CDH23: variants seen among roughly 807,000 people sequenced by gnomAD.
The protein encoded by CDH23 is cadherin related 23.
Under a neutral mutation model 317.1 loss-of-function variants are expected in CDH23, and 189 were observed. That is an observed-to-expected ratio of 0.60 (90% CI 0.53 to 0.67). CDH23 has a LOEUF of 0.67. CDH23 is among the 30% of genes least tolerant of loss of function. The pLI is 0.00. For synonymous variants in CDH23, 1,839 were observed against 1,876.8 expected, an observed-to-expected ratio of 0.98 and a Z score of 0.52; for missense variants, 4,401 against 4,592.4, an observed-to-expected ratio of 0.96 and a Z score of 1.20.
chr10:71,658,605 G>A (rs1863516982), intron 14 of CDH23, among the ~76,000 whole-genome samples: 1 of 152,186 alleles, frequency 6.6e-6, no homozygotes, highest in Non-Finnish European at 1.5e-5. Flanking sequence ...GTTCATCCCA[G>A]GCCTGGTGAA....
At chr10:71,754,601 G>C (rs1840086252) in intron 38 of CDH23, among the ~76,000 whole-genome samples, 2 of 152,154 alleles carry the variant, frequency 1.3e-5, no homozygotes, top group South Asian at 4.1e-4. Context: ...GGTGAAAGAT[G>C]TTTGTGCCCA....
intron 9 of CDH23, among the ~76,000 whole-genome samples, chr10:71,614,703 A>C (rs958414684): frequency 2.6e-5 from 4 of 152,226 alleles, no homozygotes; most frequent in Non-Finnish European, 5.9e-5. Flanking sequence ...AGAGGCTGGC[A>C]CTGAGCTGGG....
chr10:71,604,921 G>A (rs557749053), intron 9 of CDH23, among the ~76,000 whole-genome samples: 9 of 152,340 alleles, frequency 5.9e-5, no homozygotes, highest in East Asian at 1.9e-4. Context: ...AGACCAGGGC[G>A]GGAAAGGCCC....
intron 38 of CDH23, among the ~76,000 whole-genome samples, chr10:71,765,494 G>C (rs1840514936): frequency 6.6e-6 from 1 of 152,192 alleles, no homozygotes; most frequent in South Asian, 2.1e-4. Context: ...GTTGGCCTGA[G>C]TGTCCCTGTG....
intron 19 of CDH23, among the ~76,000 whole-genome samples, chr10:71,689,038 G>A (rs373351542): frequency 6.2e-4 from 41 of 66,448 alleles, no homozygotes; most frequent in East Asian, 1.0e-3. Context: ...GGAGTCAGGG[G>A]TGGTGGAGCC....
At chr10:71,509,378 C>T (rs1853824228) in intron 3 of CDH23, among the ~76,000 whole-genome samples, 1 of 152,252 alleles carries the variant, frequency 6.6e-6, no homozygotes, top group Admixed American at 6.5e-5. Context: ...GCTCATATAG[C>T]TGAGAAGTCC....
At chr10:71,603,539 A>T (rs1860351781) in intron 9 of CDH23, among the ~76,000 whole-genome samples, 1 of 152,212 alleles carries the variant, frequency 6.6e-6, no homozygotes, top group Admixed American at 6.5e-5. Context: ...GAGAGACCCC[A>T]GTTGAAGGGA....
intron 3 of CDH23, among the ~76,000 whole-genome samples, chr10:71,458,355 C>T (rs971084835): frequency 6.6e-6 from 1 of 152,228 alleles, no homozygotes; most frequent in African/African-American, 2.4e-5. Flanking sequence ...GAGCACAGTG[C>T]ATGGAGTGGG....
chr10:71,583,950 G>C (rs1156603370), intron 9 of CDH23, among the ~76,000 whole-genome samples: 2 of 147,506 alleles, frequency 1.4e-5, no homozygotes, highest in Non-Finnish European at 3.0e-5. Context: ...CTCAAAGTGT[G>C]CTCCCCAGAG....
intron 61 of CDH23, 26 bp downstream of exon 61, chr10:71,810,102 G>T: frequency 1.2e-6 from 2 of 1,607,442 alleles, no homozygotes; most frequent in African/African-American, 1.3e-5. Flanking sequence ...ACCCGGGGCC[G>T]GGGCAGTGGA....
rs775558013 is a variant in CDH23, at chr10:71,751,676, G to A, written c.4845+9755G>A. ...GGTCAGGAAACACTTACCCAGGGAT[G>A]GGAAGAAGACGTCTCCGGGGCCTGG... On this transcript the variant is annotated intron_variant, in intron 38 of 69. Transcript: ENST00000224721. The surrounding 1 kb of genome is among the most constrained non-coding windows in gnomAD (Gnocchi z 4.9). 3.3e-6 allele frequency: 5 copies of A among 1,531,504 alleles called. No individual in the cohort carries two copies. The Admixed American group carries it at 1.1e-4, about 33-fold the overall frequency. The allele number at this position is 1,531,504 out of a possible 1,614,324, so 94.9% of individuals were successfully genotyped here. A position where few individuals can be genotyped will look rare whatever the true frequency, so the allele number is the denominator to read the frequency against.
chr10:71,494,698 A>G (rs1852860259), intron 3 of CDH23, among the ~76,000 whole-genome samples: 1 of 152,234 alleles, frequency 6.6e-6, no homozygotes, highest in Admixed American at 6.5e-5. Context: ...AGACATTCTC[A>G]GACTTGTGCA....
intron 58 of CDH23, 41 bp from the exon 59 acceptor site, chr10:71,807,475 T>C: frequency 6.2e-7 from 1 of 1,612,656 alleles, no homozygotes; most frequent in Non-Finnish European, 8.5e-7. Flanking sequence ...GCCCTGCTCC[T>C]GGCCCTGCCC....
intron 6 of CDH23, among the ~76,000 whole-genome samples, chr10:71,536,431 G>A (rs1218638374): frequency 6.6e-6 from 1 of 152,236 alleles, no homozygotes; most frequent in African/African-American, 2.4e-5. Context: ...AATAGACTGT[G>A]AGGGCTTTGA....
At chr10:71,644,027 T>C (rs578016136) in intron 12 of CDH23, among the ~76,000 whole-genome samples, 161 bp downstream of exon 12, 6 of 151,964 alleles carry the variant, frequency 3.9e-5, no homozygotes, top group Admixed American at 2.6e-4. Context: ...AGGAGAGGAG[T>C]TGGTGTCACC....
At chr10:71,549,870 C>G (rs1023039636) in intron 6 of CDH23, among the ~76,000 whole-genome samples, 4 of 152,118 alleles carry the variant, frequency 2.6e-5, no homozygotes, top group African/African-American at 7.2e-5. Context: ...GCTTGTGGGG[C>G]GGGGTCGGGG....
chr10:71,649,357 T>C (rs1863053863), intron 14 of CDH23, among the ~76,000 whole-genome samples: 1 of 152,106 alleles, frequency 6.6e-6, no homozygotes, highest in African/African-American at 2.4e-5. Context: ...AGGAAAAAAA[T>C]TATGAAGAAA....
rs544331303 is a variant in CDH23 at position 71,709,362 on chromosome 10, A to C, written c.3220+151A>C. Among the ~76,000 whole-genome samples the C allele has an allele frequency of 2.0e-5, 3 of 152,318 alleles. No homozygotes were observed. In the East Asian group the frequency reaches 5.8e-4, roughly 29 times the overall value. On this transcript the variant is annotated intron_variant, in intron 27 of 69. Coordinates refer to ENST00000224721, the MANE Select transcript of CDH23 (RefSeq NM_022124.6). ...AGGCACTCACCAAACATTACTCAGC[A>C]CTTGCCGGGCATGAGGCTCACTGCA...
At position 71,751,713 on chromosome 10, in the gene CDH23, G is replaced by T. The variant is rs1237696113; in HGVS notation, c.4845+9792G>T. On this transcript the variant is annotated intron_variant, in intron 38 of 69. Coordinates refer to ENST00000224721, the MANE Select transcript of CDH23 (RefSeq NM_022124.6). The surrounding 1 kb of genome is among the most constrained non-coding windows in gnomAD (Gnocchi z 4.9). Reference sequence around the variant, plus strand: ...TCTCCGGGGCCTGGAGGAGACAGGGGGGTGCTGGGCTCCGAAAGCAGATGC... The same window carrying T: ...TCTCCGGGGCCTGGAGGAGACAGGGTGGTGCTGGGCTCCGAAAGCAGATGC... 2 of 1,572,950 alleles carry T rather than the reference G, an allele frequency of 1.3e-6. No individual in the cohort carries two copies. The highest frequency in any genetic ancestry group is 1.9e-5 in the Admixed American group (1 of 52,700).
Sources: gnomAD v4.1 joint callset for allele counts (sites outside exome capture counted in the v4.1 genomes callset) on GRCh38, gnomAD v4.1.1 for gene constraint, Gnocchi (gnomAD v3.1) non-coding constraint, MANE v1.5 for transcripts, NCBI Gene and HGNC (gene_info 2026-07-23, HGNC 2026-07-21) for gene names.